GRK3: variants seen among roughly 807,000 people sequenced by gnomAD.
The protein encoded by GRK3 is adrenergic, beta, receptor kinase 2.
GRK3 carries 54 observed loss-of-function variants against 95.7 expected under a neutral mutation model. The ratio of observed to expected loss-of-function variants is 0.56; its 90% confidence interval spans 0.45 to 0.71. The LOEUF is 0.71. Among genes scored for constraint, GRK3 ranks in the 30% least tolerant of loss-of-function variants. The pLI is 0.00. For missense variants in GRK3, 649 were observed against 851.2 expected (o/e 0.76, Z 2.96); for synonymous variants, 281 against 290.8 (o/e 0.97, Z 0.34).
At chr22:25,573,783 C>T (rs1807307) in intron 1 of GRK3, among the ~76,000 whole-genome samples, 2,787 of 152,190 alleles carry the variant, frequency 0.018, 161 homozygotes, top group Admixed American at 0.099. Flanking sequence ...CCCACAATCC[C>T]GGCTACTCAG....
At chr22:25,690,072 G>C in intron 11 of GRK3, 117 bp from the exon 12 acceptor site, 1 of 684,710 alleles carries the variant, frequency 1.5e-6, no homozygotes, top group Non-Finnish European at 2.5e-6. Context: ...GCTATAATTT[G>C]TGTTTAGGAA....
At chr22:25,659,729 AT>A (rs2084897731) in intron 3 of GRK3, among the ~76,000 whole-genome samples, 1 of 152,184 alleles carries the variant, frequency 6.6e-6, no homozygotes. Context: ...TGAATACCAA[AT>A]TACAGCCACA....
chr22:25,722,388 C>T lies in GRK3; in HGVS notation c.2005C>T (p.Arg669Trp). Residue 669 changes from arginine to tryptophan, a missense_variant, in exon 21 of 21, where the codon CGG becomes TGG. Arg to Trp is a moderately radical substitution (Grantham distance 101, BLOSUM62 -3). This residue lies in a region of GRK3 where 382 missense variants were observed against 493.8 expected (regional missense o/e 0.77). Transcript: ENST00000324198. ...TGCCCCGAAGTTCCTCAACAAACCTCGGTCAGGTACTGTGGAGCTCCCAAA... is the reference window on the plus strand; with the variant it reads ...TGCCCCGAAGTTCCTCAACAAACCTTGGTCAGGTACTGTGGAGCTCCCAAA... ...RRAPKFLNKP[R>W]SGTVELPKPS... 1.2e-6 allele frequency: 2 copies of T among 1,614,172 alleles called. No homozygotes were observed. The highest frequency in any genetic ancestry group is 1.7e-6 in the Non-Finnish European group (2 of 1,180,032).
intron 4 of GRK3, among the ~76,000 whole-genome samples, chr22:25,663,066 T>C (rs537465744): frequency 6.6e-6 from 1 of 152,280 alleles, no homozygotes; most frequent in African/African-American, 2.4e-5. Flanking sequence ...ATTTTATCTT[T>C]TTACAACCCC....
At chr22:25,657,227 T>C (rs965481188) in intron 3 of GRK3, among the ~76,000 whole-genome samples, 11 of 152,206 alleles carry the variant, frequency 7.2e-5, no homozygotes, top group Non-Finnish European at 1.5e-4. Flanking sequence ...GTTGATATGA[T>C]ACCTTCTACA....
At chr22:25,643,984 G>A (rs1014544876) in intron 2 of GRK3, among the ~76,000 whole-genome samples, 10 of 152,194 alleles carry the variant, frequency 6.6e-5, no homozygotes, top group African/African-American at 2.4e-4. Context: ...GTTTAAAGGT[G>A]AGGCTTGTAG....
At chr22:25,684,843 T>C (rs527416890) in intron 9 of GRK3, among the ~76,000 whole-genome samples, 54 of 152,312 alleles carry the variant, frequency 3.5e-4, no homozygotes, top group African/African-American at 1.3e-3. Flanking sequence ...TAGGTGTTGG[T>C]GCTCAATGCA....
chr22:25,712,073 A>G (rs535149298), intron 17 of GRK3, among the ~76,000 whole-genome samples: 1 of 152,376 alleles, frequency 6.6e-6, no homozygotes, highest in East Asian at 1.9e-4. Context: ...GAAGGAGAGC[A>G]GCATGTACAC....
At chr22:25,595,967 A>G (rs2084369747) in intron 1 of GRK3, among the ~76,000 whole-genome samples, 1 of 152,166 alleles carries the variant, frequency 6.6e-6, no homozygotes, top group Non-Finnish European at 1.5e-5. Context: ...TGTATATGTA[A>G]TACACATGTA....
chr22:25,703,611 G>A, intron 14 of GRK3, 35 bp downstream of exon 14: 1 of 1,443,636 alleles, frequency 6.9e-7, no homozygotes, highest in Non-Finnish European at 9.7e-7. Context: ...TTGTCTGTAT[G>A]GTAATTGTCA....
intron 1 of GRK3, among the ~76,000 whole-genome samples, chr22:25,588,595 T>C (rs113154025): frequency 2.6e-5 from 4 of 152,284 alleles, no homozygotes; most frequent in Non-Finnish European, 5.9e-5. Flanking sequence ...GAGCTCTGTT[T>C]TGCGTGCTTG....
chr22:25,671,304 C>T (rs995400414), intron 6 of GRK3, among the ~76,000 whole-genome samples: 1 of 152,224 alleles, frequency 6.6e-6, no homozygotes, highest in Admixed American at 6.5e-5. Flanking sequence ...GGCGCCACTG[C>T]ACTTCAGCCT....
At chr22:25,611,304 G>A (rs1473920595) in intron 2 of GRK3, among the ~76,000 whole-genome samples, 1 of 152,212 alleles carries the variant, frequency 6.6e-6, no homozygotes, top group African/African-American at 2.4e-5. Flanking sequence ...AGTATTTTAT[G>A]GACATATGTT....
chr22:25,690,119 C>A, intron 11 of GRK3, 70 bp from the exon 12 acceptor site: 1 of 1,085,314 alleles, frequency 9.2e-7, no homozygotes, highest in Non-Finnish European at 1.4e-6. Flanking sequence ...CAGGTGTCTG[C>A]ACTCAAAGTT....
chr22:25,673,559 C>T (rs771239623), intron 7 of GRK3, among the ~76,000 whole-genome samples: 1 of 151,970 alleles, frequency 6.6e-6, no homozygotes, highest in Non-Finnish European at 1.5e-5. Flanking sequence ...TCGGGAGACC[C>T]TGTGTCCTTG....
chr22:25,570,097 A>G (rs914866853), intron 1 of GRK3, among the ~76,000 whole-genome samples: 1 of 152,224 alleles, frequency 6.6e-6, no homozygotes, highest in Non-Finnish European at 1.5e-5. Flanking sequence ...TTTGGGGGAA[A>G]AAATCCTTTT....
At chr22:25,678,161 T>C (rs2085046508) in intron 8 of GRK3, among the ~76,000 whole-genome samples, 1 of 152,176 alleles carries the variant, frequency 6.6e-6, no homozygotes, top group South Asian at 2.1e-4. Flanking sequence ...CTTATAAAAA[T>C]TGACCACTGC....
intron 6 of GRK3, among the ~76,000 whole-genome samples, chr22:25,671,135 C>G (rs1184904016): frequency 6.6e-6 from 1 of 151,614 alleles, no homozygotes; most frequent in African/African-American, 2.4e-5. Context: ...GGGCGGATCA[C>G]AAGGTCAGGA....
intron 9 of GRK3, among the ~76,000 whole-genome samples, 187 bp downstream of exon 9, chr22:25,679,102 C>T (rs1344608426): frequency 6.6e-6 from 1 of 152,212 alleles, no homozygotes; most frequent in African/African-American, 2.4e-5. Flanking sequence ...TATGCACACC[C>T]ATGGCTTCTC....
Sources: allele counts gnomAD v4.1 joint callset (sites outside exome capture counted in the v4.1 genomes callset), GRCh38; gene constraint gnomAD v4.1.1; regional missense constraint gnomAD v4.1.1; transcripts MANE v1.5; gene names NCBI Gene and HGNC (gene_info 2026-07-23, HGNC 2026-07-21).